Variants in RUNX1 observed in about 807,000 individuals in gnomAD.
The protein encoded by RUNX1 is RUNX family transcription factor 1, also known as runt-related transcription factor 1.
In RUNX1, 19 loss-of-function variants were observed where a neutral mutation model predicts 42.8. That is an observed-to-expected ratio of 0.44 (90% CI 0.31 to 0.65). The LOEUF is 0.65. Among genes scored for constraint, RUNX1 ranks in the 30% least tolerant of loss-of-function variants. RUNX1 has a pLI of 0.07. For missense variants in RUNX1, 528 were observed against 672.0 expected (o/e 0.79, Z 2.37); for synonymous variants, 271 against 289.4 (o/e 0.94, Z 0.64).
intron 2 of RUNX1, among the ~76,000 whole-genome samples, chr21:35,010,614 T>TAC (rs922286021): frequency 2.7e-5 from 4 of 147,318 alleles, no homozygotes; most frequent in East Asian, 2.0e-4. Flanking sequence ...CTACCGTGAG[T>TAC]ACACACACAC....
chr21:34,813,284 G>A (rs2056781656), intron 7 of RUNX1, among the ~76,000 whole-genome samples: 1 of 152,096 alleles, frequency 6.6e-6, no homozygotes, highest in Admixed American at 6.5e-5. Flanking sequence ...GCCCTAAAGT[G>A]TCAAAGAAAA....
intron 2 of RUNX1, among the ~76,000 whole-genome samples, chr21:34,984,974 A>T (rs2058874434): frequency 6.6e-6 from 1 of 152,192 alleles, no homozygotes; most frequent in South Asian, 2.1e-4. Context: ...CCAGGTTTGG[A>T]ATAGCCCCAA....
intron 2 of RUNX1, among the ~76,000 whole-genome samples, chr21:35,006,924 A>T (rs2059089301): frequency 6.6e-6 from 1 of 152,124 alleles, no homozygotes. Flanking sequence ...CCACTCTGGG[A>T]AGTACCCAGT....
intron 7 of RUNX1, among the ~76,000 whole-genome samples, chr21:34,829,027 C>T (rs768764638): frequency 1.3e-5 from 2 of 152,170 alleles, no homozygotes; most frequent in Non-Finnish European, 2.9e-5. Flanking sequence ...GTCCTAGGAT[C>T]TGCTAGTATA....
intron 2 of RUNX1, among the ~76,000 whole-genome samples, chr21:34,974,309 T>C (rs979691385): frequency 7.2e-5 from 11 of 152,082 alleles, no homozygotes; most frequent in South Asian, 4.2e-4. Flanking sequence ...GAGTCCATAT[T>C]AGCTGAAGAC....
In RUNX1 at chr21:34,888,096, C is replaced by T. The variant is rs977123747; in HGVS notation, c.98-1000G>A. On this transcript the variant is annotated intron_variant, in intron 3 of 8. Coordinates refer to ENST00000675419, the MANE Select transcript of RUNX1 (RefSeq NM_001754.5). ...AGCCGCAGAGTCACACACATGCAAACACGCACTCTTCGGAAGGCAGCCACT... is the reference window on the plus strand; with the variant it reads ...AGCCGCAGAGTCACACACATGCAAATACGCACTCTTCGGAAGGCAGCCACT... 1.1e-4 allele frequency: 122 copies of T among 1,066,194 alleles called. No homozygotes were observed. In the Middle Eastern group the frequency reaches 1.2e-3, roughly 11 times the overall value. 66.0% of individuals were successfully genotyped at this position (1,066,194 alleles called of 1,614,324 possible).
At chr21:35,012,748 T>C (rs901427295) in intron 2 of RUNX1, among the ~76,000 whole-genome samples, 3 of 152,058 alleles carry the variant, frequency 2.0e-5, no homozygotes, top group African/African-American at 4.8e-5. Context: ...AGATGAATGA[T>C]TACACTTGCT....
In RUNX1 at chr21:34,991,588, G is replaced by A. The variant is rs1032999885; in HGVS notation, c.58+57254C>T. ...GATGATGATGATGGTGATGATGACT[G>A]TTATTTCTGTTTTACAGGTGGAAAA... is the stretch of plus-strand genomic sequence containing the variant. On this transcript the variant is annotated intron_variant, in intron 2 of 8. Coordinates refer to ENST00000675419, the MANE Select transcript of RUNX1 (RefSeq NM_001754.5). 2.0e-5 allele frequency among the ~76,000 whole-genome samples: 3 copies of A among 152,048 alleles called. No individual in the cohort carries two copies. In the South Asian group the frequency reaches 6.2e-4, roughly 32 times the overall value.
intron 2 of RUNX1, among the ~76,000 whole-genome samples, chr21:34,989,682 A>G (rs2058921569): frequency 6.6e-6 from 1 of 152,226 alleles, no homozygotes; most frequent in South Asian, 2.1e-4. Context: ...AACTGGCCAC[A>G]GGAGTGTTTG....
At chr21:34,850,251 G>A (rs1008776467) in intron 6 of RUNX1, among the ~76,000 whole-genome samples, 1 of 152,178 alleles carries the variant, frequency 6.6e-6, no homozygotes, top group Non-Finnish European at 1.5e-5. Flanking sequence ...CCAATGACAA[G>A]GCCTGACCAT....
At chr21:35,047,913 T>G (rs529286699) in intron 2 of RUNX1, among the ~76,000 whole-genome samples, 1 of 152,316 alleles carries the variant, frequency 6.6e-6, no homozygotes, top group South Asian at 2.1e-4. Context: ...TATTTTTGTT[T>G]GTTTAAGCAC....
chr21:34,953,111 G>A (rs1158830561), intron 2 of RUNX1, among the ~76,000 whole-genome samples: 1 of 150,256 alleles, frequency 6.7e-6, no homozygotes, highest in Non-Finnish European at 1.5e-5. Context: ...CAGTCAAGAA[G>A]TCTCTGTTTT....
At chr21:34,855,592 C>G (rs2057484579) in intron 6 of RUNX1, among the ~76,000 whole-genome samples, 1 of 152,138 alleles carries the variant, frequency 6.6e-6, no homozygotes, top group Non-Finnish European at 1.5e-5. Flanking sequence ...GTAGTCCCAG[C>G]TCCTCCAGAG....
At chr21:34,837,699 G>C (rs566606842) in intron 6 of RUNX1, among the ~76,000 whole-genome samples, 3 of 152,114 alleles carry the variant, frequency 2.0e-5, no homozygotes, top group Non-Finnish European at 4.4e-5. Context: ...CAGGGAATTC[G>C]ACCCTGGGTC....
At chr21:35,033,264 TCA>T (rs1372124143) in intron 2 of RUNX1, among the ~76,000 whole-genome samples, 1 of 152,202 alleles carries the variant, frequency 6.6e-6, no homozygotes, top group Non-Finnish European at 1.5e-5. Context: ...CTCAAATTGC[TCA>T]GAGTCTCTGA....
intron 2 of RUNX1, among the ~76,000 whole-genome samples, chr21:34,899,206 G>A (rs114200434): frequency 8.4e-4 from 128 of 152,288 alleles, no homozygotes; most frequent in Middle Eastern, 3.4e-3. Context: ...GAGCTACCAC[G>A]CCTGGTGCGA....
intron 5 of RUNX1, among the ~76,000 whole-genome samples, chr21:34,877,746 G>A (rs899701937): frequency 2.0e-5 from 3 of 152,186 alleles, no homozygotes; most frequent in South Asian, 2.1e-4. Context: ...AGATAGATTC[G>A]TTTTGTAGAA....
intron 2 of RUNX1, among the ~76,000 whole-genome samples, chr21:34,989,305 G>A (rs938327225): frequency 4.0e-5 from 6 of 151,754 alleles, no homozygotes; most frequent in Non-Finnish European, 8.8e-5. Flanking sequence ...CACGGCGCCC[G>A]GCCCCAGATC....
At chr21:34,997,261 C>T (rs1476904265) in intron 2 of RUNX1, among the ~76,000 whole-genome samples, 3 of 152,216 alleles carry the variant, frequency 2.0e-5, no homozygotes, top group South Asian at 4.1e-4. Flanking sequence ...TGGCTGTAGA[C>T]ATAATGATCA....
Sources: gnomAD v4.1 joint callset for allele counts (sites outside exome capture counted in the v4.1 genomes callset) on GRCh38, gnomAD v4.1.1 for gene constraint, MANE v1.5 for transcripts, NCBI Gene and HGNC (gene_info 2026-07-23, HGNC 2026-07-21) for gene names.